IMMP2L: variants seen among roughly 807,000 people sequenced by gnomAD.
The protein encoded by IMMP2L is inner mitochondrial membrane peptidase subunit 2.
IMMP2L carries 18 observed loss-of-function variants against 19.3 expected under a neutral mutation model. The observed-to-expected ratio is 0.93, with a 90% CI of 0.64 to 1.38. The LOEUF (loss-of-function observed/expected upper bound fraction) is 1.38. IMMP2L is among the 40% of genes most tolerant of loss of function. IMMP2L has a pLI of 0.00. For synonymous variants in IMMP2L, 76 were observed against 73.0 expected (o/e 1.04, Z -0.21); for missense variants, 233 against 218.2 (o/e 1.07, Z -0.43).
At chr7:110,679,209 T>A (rs1419970021) in intron 5 of IMMP2L, among the ~76,000 whole-genome samples, 3 of 152,132 alleles carry the variant, frequency 2.0e-5, no homozygotes, top group Non-Finnish European at 2.9e-5. Flanking sequence ...TGAATTAATT[T>A]CCCAGGATTG....
At chr7:111,109,599 A>G (rs78677865) in intron 3 of IMMP2L, among the ~76,000 whole-genome samples, 7,025 of 152,292 alleles carry the variant, frequency 0.046, 229 homozygotes, top group South Asian at 0.082. Flanking sequence ...TTCAGGAGCC[A>G]TCACTGATAA....
chr7:110,987,131 A>G (rs994956592), intron 3 of IMMP2L, among the ~76,000 whole-genome samples: 2 of 152,220 alleles, frequency 1.3e-5, no homozygotes, highest in African/African-American at 4.8e-5. Flanking sequence ...TACCTATAGT[A>G]TATGGACAGG....
chr7:111,059,515 A>C (rs1793819683), intron 3 of IMMP2L, among the ~76,000 whole-genome samples: 1 of 152,094 alleles, frequency 6.6e-6, no homozygotes, highest in Admixed American at 6.6e-5. Context: ...ATTATTACAG[A>C]CCTATCTCCC....
intron 3 of IMMP2L, among the ~76,000 whole-genome samples, chr7:111,251,879 CTAAAAA>C (rs1816172518): frequency 6.6e-6 from 1 of 151,828 alleles, no homozygotes. Context: ...CCCCCCAGAA[CTAAAAA>C]TAAAAGTTGA....
Position 111,337,489 on chromosome 7 carries a change from GAT to G in IMMP2L, c.239+149747_239+149748del, listed in dbSNP as rs1826558337. Among the ~76,000 whole-genome samples, 7 of 149,370 alleles carry G rather than the reference GAT, an allele frequency of 4.7e-5. No individual in the cohort carries two copies. In the South Asian group the frequency reaches 1.5e-3, roughly 31 times the overall value. On this transcript the variant is annotated intron_variant, in intron 3 of 5. Transcript: ENST00000405709. ...GGATGGATGGATGGATGGATGGATGGATGGATGGATGAAATGGACCAATGAAT... is the reference window on the plus strand; with the variant it reads ...GGATGGATGGATGGATGGATGGATGGGGATGGATGAAATGGACCAATGAAT...
intron 5 of IMMP2L, among the ~76,000 whole-genome samples, chr7:110,699,690 C>T (rs748931615): frequency 6.6e-6 from 1 of 151,342 alleles, no homozygotes; most frequent in African/African-American, 2.4e-5. Flanking sequence ...ATCACTTGAA[C>T]CCAGGAGGCG....
chr7:111,089,819 A>G (rs1051066977), intron 3 of IMMP2L, among the ~76,000 whole-genome samples: 29 of 152,102 alleles, frequency 1.9e-4, no homozygotes, highest in African/African-American at 7.0e-4. Context: ...AAAACTACAG[A>G]GTGAAAATAT....
At chr7:110,817,285 T>C in intron 5 of IMMP2L, among the ~76,000 whole-genome samples, 1 of 152,110 alleles carries the variant, frequency 6.6e-6, no homozygotes, top group Non-Finnish European at 1.5e-5. Context: ...AAAATCAATG[T>C]ACCAAAATCA....
chr7:111,334,455 C>T (rs1826197037), intron 3 of IMMP2L, among the ~76,000 whole-genome samples: 1 of 152,000 alleles, frequency 6.6e-6, no homozygotes, highest in African/African-American at 2.4e-5. Context: ...TTTCTTTATG[C>T]ATGCATCAGT....
At chr7:111,135,456 T>C (rs1802243287) in intron 3 of IMMP2L, among the ~76,000 whole-genome samples, 1 of 152,154 alleles carries the variant, frequency 6.6e-6, no homozygotes, top group Admixed American at 6.6e-5. Context: ...GACAGAGCTG[T>C]GTCTTTCTTA....
At chr7:111,425,977 G>A (rs1836033333) in intron 3 of IMMP2L, among the ~76,000 whole-genome samples, 2 of 151,022 alleles carry the variant, frequency 1.3e-5, no homozygotes, top group Admixed American at 1.3e-4. Flanking sequence ...TACAGAAAAA[G>A]AGAACTGAAT....
intron 1 of IMMP2L, among the ~76,000 whole-genome samples, chr7:111,548,843 TAC>T (rs1037402906): frequency 5.9e-5 from 9 of 152,126 alleles, no homozygotes; most frequent in Non-Finnish European, 1.2e-4. Flanking sequence ...GCTTAACCCA[TAC>T]AGAGACTGGT....
At chr7:110,737,181 C>T (rs1239294573) in intron 5 of IMMP2L, among the ~76,000 whole-genome samples, 1 of 152,068 alleles carries the variant, frequency 6.6e-6, no homozygotes. Context: ...ATCCACAGAC[C>T]CTTTGAAGGA....
At chr7:110,699,499 C>T (rs1794109068) in intron 5 of IMMP2L, among the ~76,000 whole-genome samples, 1 of 152,090 alleles carries the variant, frequency 6.6e-6, no homozygotes, top group Non-Finnish European at 1.5e-5. Flanking sequence ...AGGCCAGGAG[C>T]AGTGGCTCGC....
At chr7:111,052,908 T>C (rs1430375034) in intron 3 of IMMP2L, among the ~76,000 whole-genome samples, 10 of 152,188 alleles carry the variant, frequency 6.6e-5, no homozygotes, top group African/African-American at 2.4e-4. Flanking sequence ...ATTCCCCTGT[T>C]CTTTCCTCCC....
intron 3 of IMMP2L, among the ~76,000 whole-genome samples, chr7:111,133,269 G>C (rs1802019068): frequency 6.6e-6 from 1 of 151,976 alleles, no homozygotes; most frequent in African/African-American, 2.4e-5. Flanking sequence ...TTGCAATTCA[G>C]GGAAACAAAA....
At chr7:111,004,999 A>AT (rs1438921733) in intron 3 of IMMP2L, among the ~76,000 whole-genome samples, 4 of 152,160 alleles carry the variant, frequency 2.6e-5, no homozygotes, top group African/African-American at 9.7e-5. Flanking sequence ...AAGATCCAAT[A>AT]TATGTTACAG....
intron 3 of IMMP2L, among the ~76,000 whole-genome samples, chr7:111,035,232 T>C (rs967270516): frequency 2.6e-5 from 4 of 152,142 alleles, no homozygotes; most frequent in Admixed American, 6.6e-5. Flanking sequence ...ATAACACTGG[T>C]AAATGGCCAA....
chr7:111,022,336 G>A (rs143606806), intron 3 of IMMP2L, among the ~76,000 whole-genome samples: 13 of 152,250 alleles, frequency 8.5e-5, no homozygotes, highest in Admixed American at 3.3e-4. Flanking sequence ...TCCTTAGAAC[G>A]AAGTGCCCCC....
Sources: gnomAD v4.1 joint callset for allele counts (sites outside exome capture counted in the v4.1 genomes callset) on GRCh38, gnomAD v4.1.1 for gene constraint, MANE v1.5 for transcripts, NCBI Gene and HGNC (gene_info 2026-07-23, HGNC 2026-07-21) for gene names.